The following CSNK1G3 variants were observed in gnomAD, a reference collection of about 807,000 sequenced individuals.
CSNK1G3 encodes the protein casein kinase I isoform gamma-3.
Under a neutral mutation model 64.3 loss-of-function variants are expected in CSNK1G3, and 23 were observed. The observed-to-expected ratio is 0.36, with a 90% CI of 0.26 to 0.51. The LOEUF (loss-of-function observed/expected upper bound fraction) is 0.51, where lower values mean the gene tolerates loss of function less well. Among genes scored for constraint, CSNK1G3 ranks in the 20% least tolerant of loss-of-function variants. The probability of loss-of-function intolerance (pLI) is 0.96; values close to 1 mark genes in which losing one functional copy is unlikely to be tolerated. For synonymous variants in CSNK1G3, 158 were observed against 162.2 expected (o/e 0.97, Z 0.20); for missense variants, 357 against 510.5 (o/e 0.70, Z 2.90).
chr5:123,599,747 A>G (rs1794110648), intron 10 of CSNK1G3, among the ~76,000 whole-genome samples: 2 of 152,016 alleles, frequency 1.3e-5, no homozygotes, highest in African/African-American at 4.8e-5. Flanking sequence ...CAAAAGAGAG[A>G]TTGTGGAGGG....
chr5:123,524,071 T>C (rs9327300), intron 1 of CSNK1G3, among the ~76,000 whole-genome samples: 91,342 of 152,096 alleles, frequency 0.6, 28,615 homozygotes, highest in African/African-American at 0.78. Flanking sequence ...ATAGAAACTA[T>C]TCCATATCTT....
Position 123,574,070 on chromosome 5 carries a change from C to A in CSNK1G3, c.438+529C>A, listed in dbSNP as rs145667511. ...TTCACCATGTTAGTCAGGATGGTCT[C>A]GATCTCCTGACCTTGTGATCCGCCC... is the stretch of plus-strand genomic sequence containing the variant. On this transcript the variant is annotated intron_variant, in intron 5 of 12. Coordinates refer to ENST00000345990, the Ensembl canonical transcript of CSNK1G3. 3.9e-4 allele frequency among the ~76,000 whole-genome samples: 59 copies of A among 152,112 alleles called. No homozygotes were observed. In the East Asian group the frequency reaches 0.01, roughly 27 times the overall value.
At chr5:123,568,003 A>G (rs1166790248) in intron 4 of CSNK1G3, among the ~76,000 whole-genome samples, 1 of 152,198 alleles carries the variant, frequency 6.6e-6, no homozygotes, top group Non-Finnish European at 1.5e-5. Context: ...AAGGTTGTCA[A>G]GATGCTTGAA....
At chr5:123,559,522 C>T (rs1785270223) in intron 4 of CSNK1G3, among the ~76,000 whole-genome samples, 1 of 152,148 alleles carries the variant, frequency 6.6e-6, no homozygotes, top group Non-Finnish European at 1.5e-5. Context: ...CCACCATTTA[C>T]AGGGTAGTCT....
chr5:123,546,150 A>G (rs1321743529), intron 2 of CSNK1G3, among the ~76,000 whole-genome samples: 4 of 152,168 alleles, frequency 2.6e-5, no homozygotes. Context: ...TTCTTTAGGA[A>G]TGATATTTAG....
At chr5:123,513,945 G>C (rs1422691008) in intron 1 of CSNK1G3, among the ~76,000 whole-genome samples, 7 of 152,066 alleles carry the variant, frequency 4.6e-5, no homozygotes. Context: ...CTTTGCTCCA[G>C]TTGTATCTTA....
intron 2 of CSNK1G3, among the ~76,000 whole-genome samples, chr5:123,550,442 C>T (rs1158727887): frequency 6.6e-6 from 1 of 152,170 alleles, no homozygotes; most frequent in East Asian, 1.9e-4. Context: ...CACATGGCCA[C>T]ACTAAGCTGA....
chr5:123,522,026 T>G (rs1337400456), intron 1 of CSNK1G3, among the ~76,000 whole-genome samples: 1 of 152,174 alleles, frequency 6.6e-6, no homozygotes, highest in Non-Finnish European at 1.5e-5. Context: ...CTTTTTACAC[T>G]CTCAGCCCTT....
chr5:123,605,375 T>A lies in CSNK1G3; in HGVS notation c.1217+13T>A, dbSNP rs768591629. On this transcript the variant is annotated intron_variant, in intron 12 of 12. Transcript: ENST00000345990. ...TGTTGAACATGTGGTGAGTCTCAAG[T>A]GTAGGCAGGCAGAAATAGCTCCATT... 1 of 1,610,626 alleles carries A rather than the reference T, an allele frequency of 6.2e-7. No homozygotes were observed. Among genetic ancestry groups the A allele is most frequent in the East Asian group, 2.2e-5 (1 of 44,788 alleles).
intron 10 of CSNK1G3, among the ~76,000 whole-genome samples, chr5:123,596,372 AAC>A (rs1166742825): frequency 6.6e-6 from 1 of 152,144 alleles, no homozygotes; most frequent in Non-Finnish European, 1.5e-5. Flanking sequence ...CTATTTGCAT[AAC>A]ACAAACTATA....
intron 6 of CSNK1G3, among the ~76,000 whole-genome samples, chr5:123,576,488 G>C (rs1195782881): frequency 6.6e-6 from 1 of 152,110 alleles, no homozygotes; most frequent in African/African-American, 2.4e-5. Context: ...GGTAAAAAGA[G>C]TAAAACAATA....
At chr5:123,589,009 G>C (rs1444151513) in intron 8 of CSNK1G3, among the ~76,000 whole-genome samples, 2 of 152,054 alleles carry the variant, frequency 1.3e-5, no homozygotes, top group Non-Finnish European at 2.9e-5. Flanking sequence ...TTGCTTTCAA[G>C]TAGATTTATG....
chr5:123,569,608 T>C (rs560397369), intron 4 of CSNK1G3, among the ~76,000 whole-genome samples: 2 of 152,324 alleles, frequency 1.3e-5, no homozygotes, highest in African/African-American at 4.8e-5. Flanking sequence ...CTTTTAAGTA[T>C]TGGAAAACTG....
At chr5:123,557,621 A>C in intron 4 of CSNK1G3, 57 bp downstream of exon 4, 1 of 1,114,168 alleles carries the variant, frequency 9.0e-7, no homozygotes, top group Non-Finnish European at 1.3e-6. Flanking sequence ...ATGACTTTTT[A>C]GTTTCAAGGA....
chr5:123,518,048 C>G (rs1371553639), intron 1 of CSNK1G3, among the ~76,000 whole-genome samples: 1 of 152,092 alleles, frequency 6.6e-6, no homozygotes, highest in African/African-American at 2.4e-5. Context: ...AGTATGGTCC[C>G]TAATCTGATT....
At chr5:123,562,826 T>C (rs1786039491) in intron 4 of CSNK1G3, among the ~76,000 whole-genome samples, 2 of 152,048 alleles carry the variant, frequency 1.3e-5, no homozygotes, top group Non-Finnish European at 2.9e-5. Flanking sequence ...TGCTGAACTA[T>C]ACAACTCAGC....
At chr5:123,531,188 A>G (rs956777258) in intron 1 of CSNK1G3, among the ~76,000 whole-genome samples, 8 of 152,122 alleles carry the variant, frequency 5.3e-5, no homozygotes, top group Non-Finnish European at 1.0e-4. Flanking sequence ...TTAAATTTCC[A>G]TTTGTTGTAA....
At chr5:123,524,942 A>C (rs938608773) in intron 1 of CSNK1G3, among the ~76,000 whole-genome samples, 3 of 152,044 alleles carry the variant, frequency 2.0e-5, no homozygotes, top group African/African-American at 7.3e-5. Context: ...GATACCAGGC[A>C]CTCTCTAGAT....
chr5:123,513,500 C>T (rs573813655), intron 1 of CSNK1G3, among the ~76,000 whole-genome samples: 1 of 152,050 alleles, frequency 6.6e-6, no homozygotes, highest in Admixed American at 6.6e-5. Context: ...GTAGTAAGCA[C>T]CCAGGCTGGT....
Sources: allele counts gnomAD v4.1 joint callset (sites outside exome capture counted in the v4.1 genomes callset), GRCh38; gene constraint gnomAD v4.1.1; transcripts MANE v1.5; gene names NCBI Gene and HGNC (gene_info 2026-07-23, HGNC 2026-07-21).